The following LY96 variants were observed in gnomAD, a reference collection of about 807,000 sequenced individuals.
LY96 encodes the protein lymphocyte antigen 96, also known as myeloid differentiation protein-2.
Under a neutral mutation model 18.9 loss-of-function variants are expected in LY96, and 18 were observed. That is an observed-to-expected ratio of 0.95 (90% confidence interval 0.66 to 1.41). The LOEUF is 1.41. Among genes scored for constraint, LY96 ranks in the 40% most tolerant of loss-of-function variants. The probability of loss-of-function intolerance (pLI) is 0.00; values close to 1 mark genes in which losing one functional copy is unlikely to be tolerated. For synonymous variants in LY96, 66 were observed against 62.6 expected, an observed-to-expected ratio of 1.06 and a Z score of -0.26; for missense variants, 175 against 182.4, an observed-to-expected ratio of 0.96 and a Z score of 0.23.
the LY96 span, among the ~76,000 whole-genome samples, chr8:74,041,951 T>G: frequency 3.3e-5 from 5 of 152,190 alleles, no homozygotes; most frequent in Admixed American, 2.6e-4. Flanking sequence ...TTTGAAATCC[T>G]TAATAAAACT....
At chr8:74,038,173 A>G in the LY96 span, among the ~76,000 whole-genome samples, 47 of 152,110 alleles carry the variant, frequency 3.1e-4, no homozygotes, top group Non-Finnish European at 5.1e-4. Flanking sequence ...CACCTCAATC[A>G]TTTATCCTTT....
At chr8:74,060,722 A>G in the LY96 span, among the ~76,000 whole-genome samples, 1 of 152,214 alleles carries the variant, frequency 6.6e-6, no homozygotes, top group East Asian at 1.9e-4. Flanking sequence ...CATTTCAGGT[A>G]GTAAGCTGAG....
chr8:74,047,492 C>G, the LY96 span, among the ~76,000 whole-genome samples: 1 of 152,158 alleles, frequency 6.6e-6, no homozygotes, highest in Admixed American at 6.6e-5. Context: ...AGTTGGCTGT[C>G]TACTTTGAAA....
At chr8:74,044,222 C>G in the LY96 span, among the ~76,000 whole-genome samples, 2 of 150,390 alleles carry the variant, frequency 1.3e-5, no homozygotes, top group African/African-American at 4.9e-5. Flanking sequence ...CTCACTGTTG[C>G]CCAGTCTGGA....
chr8:74,034,020 T>C (rs1162374988), downstream of LY96, among the ~76,000 whole-genome samples: 1 of 152,164 alleles, frequency 6.6e-6, no homozygotes, highest in Non-Finnish European at 1.5e-5. Context: ...TTTATGTGAA[T>C]AATCAGGCCA....
At chr8:74,061,534 A>T in the LY96 span, among the ~76,000 whole-genome samples, 1 of 152,238 alleles carries the variant, frequency 6.6e-6, no homozygotes, top group Admixed American at 6.5e-5. Context: ...AGACAGCAGG[A>T]ATAAGTGTGT....
At chr8:74,001,537 A>AT (rs895668975) in intron 1 of LY96, among the ~76,000 whole-genome samples, 30 of 151,350 alleles carry the variant, frequency 2.0e-4, no homozygotes, top group Non-Finnish European at 1.2e-4. Context: ...GCCTCTACAA[A>AT]TTTTTTTTTA....
the LY96 span, among the ~76,000 whole-genome samples, chr8:74,087,779 T>C: frequency 6.6e-6 from 1 of 152,218 alleles, no homozygotes; most frequent in Non-Finnish European, 1.5e-5. Flanking sequence ...CCTTATTTTT[T>C]GTCTGAGGAA....
At chr8:74,047,186 C>T in the LY96 span, among the ~76,000 whole-genome samples, 3 of 152,174 alleles carry the variant, frequency 2.0e-5, no homozygotes, top group East Asian at 5.8e-4. Context: ...CAGCGCCCGG[C>T]CCTGACCCAC....
At chr8:74,007,461 A>G (rs566978435) in intron 2 of LY96, among the ~76,000 whole-genome samples, 2 of 152,362 alleles carry the variant, frequency 1.3e-5, no homozygotes, top group East Asian at 3.9e-4. Context: ...AGAATATACT[A>G]TAATGTTGGT....
At chr8:74,091,165 CTG>C in the LY96 span, among the ~76,000 whole-genome samples, 1 of 152,132 alleles carries the variant, frequency 6.6e-6, no homozygotes, top group South Asian at 2.1e-4. Flanking sequence ...ATTTAGGAGA[CTG>C]TGAGGTTGTG....
chr8:74,079,349 TTA>T, the LY96 span, among the ~76,000 whole-genome samples: 1 of 152,198 alleles, frequency 6.6e-6, no homozygotes, highest in African/African-American at 2.4e-5. Flanking sequence ...AAATCTCTTT[TTA>T]TATGTCTCTC....
chr8:74,035,862 A>G, the LY96 span, among the ~76,000 whole-genome samples: 1 of 152,132 alleles, frequency 6.6e-6, no homozygotes, highest in African/African-American at 2.4e-5. Context: ...GAAGCCCCTC[A>G]ACCTCTTTGG....
the LY96 span, chr8:74,079,503 G>A: frequency 6.6e-6 from 1 of 152,150 alleles, no homozygotes; most frequent in Non-Finnish European, 1.5e-5. Flanking sequence ...TTTGGAAGAG[G>A]ATTACAAGGG....
chr8:74,032,413 C>T (rs10105075), downstream of LY96, among the ~76,000 whole-genome samples: 5 of 152,198 alleles, frequency 3.3e-5, no homozygotes, highest in South Asian at 4.1e-4. Flanking sequence ...AACCCCTGAC[C>T]GATTCCAGAC....
intron 3 of LY96, among the ~76,000 whole-genome samples, chr8:74,025,546 T>C (rs1178079592): frequency 1.4e-5 from 2 of 147,440 alleles, no homozygotes; most frequent in African/African-American, 2.5e-5. Flanking sequence ...TCCCAGCTAC[T>C]GGGGAGGCTG....
chr8:74,095,748 G>A, the LY96 span, among the ~76,000 whole-genome samples: 1,592 of 152,158 alleles, frequency 0.01, 5 homozygotes, highest in Middle Eastern at 0.071. Flanking sequence ...ACACATCCAG[G>A]GCTCAGACCT....
chr8:74,091,775 C>T, the LY96 span, among the ~76,000 whole-genome samples: 10 of 152,302 alleles, frequency 6.6e-5, no homozygotes, highest in East Asian at 7.7e-4. Flanking sequence ...AAGGGGCAAA[C>T]GCTCTAACTG....
Position 73,991,493 on chromosome 8 carries a change from A to C in LY96, c.51A>C (p.Glu17Asp). ...FSTLFSSIFTEAQKQYWVCNS... is the reference protein window; with the variant it reads ...FSTLFSSIFTDAQKQYWVCNS... The stretch of plus-strand genomic sequence containing the variant: ...CCCTGTTTTCTTCCATATTTACTGA[A>C]GCTCAGAAGCAGTATTGGGTCTGCA... The change falls in exon 1 of 5, where the codon GAA becomes GAC. Residue 17 changes from glutamate (E) to aspartate (D), a missense_variant. Glu to Asp is a conservative substitution (Grantham distance 45). Transcript: ENST00000284818. 1 of 1,613,646 alleles carries C rather than the reference A, an allele frequency of 6.2e-7. No individual in the cohort carries two copies. The highest frequency in any genetic ancestry group is 1.1e-5 in the South Asian group (1 of 91,076).
Sources: gnomAD v4.1 joint callset for allele counts (sites outside exome capture counted in the v4.1 genomes callset) on GRCh38, gnomAD v4.1.1 for gene constraint, MANE v1.5 for transcripts, NCBI Gene and HGNC (gene_info 2026-07-23, HGNC 2026-07-21) for gene names.